The following HEATR1 variants were observed in gnomAD, a reference collection of about 807,000 sequenced individuals.
HEATR1 encodes the protein HEAT repeat-containing protein 1.
Under a neutral mutation model 248.2 loss-of-function variants are expected in HEATR1, and 77 were observed. That is an observed-to-expected ratio of 0.31 (90% CI 0.26 to 0.37). HEATR1 has a LOEUF of 0.37. HEATR1 is among the 10% of genes least tolerant of loss of function. The pLI is 1.00. For synonymous variants in HEATR1, 897 were observed against 923.1 expected, an observed-to-expected ratio of 0.97 and a Z score of 0.51; for missense variants, 2,420 against 2,504.9, an observed-to-expected ratio of 0.97 and a Z score of 0.72.
intron 3 of HEATR1, among the ~76,000 whole-genome samples, chr1:236,600,539 AT>A (rs112529952): frequency 0.025 from 3,461 of 137,078 alleles, 132 homozygotes; most frequent in African/African-American, 0.085. Context: ...CTTTTATTAG[AT>A]TTTTTTTTTT....
chr1:236,586,507 G>T, intron 14 of HEATR1, 55 bp from the exon 15 acceptor site: 4 of 1,220,964 alleles, frequency 3.3e-6, no homozygotes, highest in South Asian at 2.6e-5. Context: ...GCTTCAATTG[G>T]GCAAAAATTC....
chr1:236,577,676 C>T (rs537192287), intron 20 of HEATR1, among the ~76,000 whole-genome samples: 10 of 151,744 alleles, frequency 6.6e-5, no homozygotes, highest in Non-Finnish European at 1.2e-4. Flanking sequence ...TTAGTAGAGA[C>T]GGGGTTTCTT....
chr1:236,579,722 A>C (rs74145932), intron 20 of HEATR1, among the ~76,000 whole-genome samples: 212 of 152,264 alleles, frequency 1.4e-3, no homozygotes, highest in African/African-American at 4.9e-3. Flanking sequence ...TAAGCGAATA[A>C]AAAATTACTT....
Position 236,590,868 on chromosome 1 carries a change from T to C in HEATR1, c.1509A>G (p.Lys503=), listed in dbSNP as rs761054220. 2.0e-6 allele frequency: 3 copies of C among 1,512,740 alleles called. No homozygotes were observed. The highest frequency in any genetic ancestry group is 4.6e-5 in the East Asian group (2 of 43,164). The allele number at this position is 1,512,740 out of a possible 1,614,324, so 93.7% of individuals were successfully genotyped here. A position where few individuals can be genotyped will look rare whatever the true frequency, so the allele number is the denominator to read the frequency against. Reference sequence around the variant, plus strand: ...AAACCTTTGATGTTTTCATGATCTTTTTCAAATGATTCATGGCCAGAATTC... The same window carrying C: ...AAACCTTTGATGTTTTCATGATCTTCTTCAAATGATTCATGGCCAGAATTC... ...PVRILAMNHL[K]KIMKTSKEGV... The change falls in exon 12 of 45, where the codon AAA becomes AAG. Residue 503 remains lysine (K), a synonymous_variant. Transcript: ENST00000366582.
At chr1:236,578,293 C>T (rs1473747754) in intron 20 of HEATR1, among the ~76,000 whole-genome samples, 2 of 152,214 alleles carry the variant, frequency 1.3e-5, no homozygotes, top group African/African-American at 4.8e-5. Context: ...AACCATCTCA[C>T]AGATCTTTGA....
Position 236,599,639 on chromosome 1 carries a change from CAA to C in HEATR1, c.360-17_360-16del. On this transcript the variant is annotated splice_polypyrimidine_tract_variant and intron_variant, in intron 3 of 44. Transcript: ENST00000366582. ...GTATATGGAACCTGGGGAAAAAAAG[CAA>C]ACAGTCCAACTGAACACAAAACTTA... The C allele has an allele frequency of 6.3e-7, 1 of 1,598,108 alleles. No individual in the cohort carries two copies. Among genetic ancestry groups the C allele is most frequent in the Non-Finnish European group, 8.5e-7 (1 of 1,171,728 alleles).
chr1:236,559,085 C>T lies in HEATR1; in HGVS notation c.4821G>A (p.Leu1607=). 6.2e-7 allele frequency: 1 copy of T among 1,612,616 alleles called. No homozygotes were observed. The highest frequency in any genetic ancestry group is 2.2e-5 in the East Asian group (1 of 44,834). Residue 1607 remains leucine (L), a synonymous_variant, in exon 35 of 45, where the codon CTG becomes CTA. Transcript: ENST00000366582. ...TETFIPVIRG[L]VGNPLPSVRR... is the part of the protein sequence containing the mutation. ...GAACAGATGGCAGGGGATTGCCCACCAGCCCTCTGATCACAGGAATGAATG... is the reference window on the plus strand; with the variant it reads ...GAACAGATGGCAGGGGATTGCCCACTAGCCCTCTGATCACAGGAATGAATG...
chr1:236,574,306 A>T lies in HEATR1; in HGVS notation c.3355T>A (p.Ser1119Thr), dbSNP rs750900693. 4 of 1,610,448 alleles carry T rather than the reference A, an allele frequency of 2.5e-6. No individual in the cohort carries two copies. The African/African-American group carries it at 5.4e-5, about 22-fold the overall frequency. ...KITKPFFAAI[S>T]DEKVQQKLLR... is the part of the protein sequence containing the mutation. Reference sequence around the variant, plus strand: ...AGCTTCTGCTGAACTTTTTCATCTGATATGGCTGCAAAAAATGGTTTTGTA... The same window carrying T: ...AGCTTCTGCTGAACTTTTTCATCTGTTATGGCTGCAAAAAATGGTTTTGTA... The change falls in exon 24 of 45, where the codon TCA becomes ACA. Residue 1119 changes from serine (S) to threonine (T), a missense_variant. By Grantham distance (58) the Ser-to-Thr change is moderately conservative. Coordinates refer to ENST00000366582, the MANE Select transcript of HEATR1 (RefSeq NM_018072.6).
At chr1:236,573,001 G>C (rs915960756) in intron 24 of HEATR1, among the ~76,000 whole-genome samples, 173 bp from the exon 25 acceptor site, 5 of 152,108 alleles carry the variant, frequency 3.3e-5, no homozygotes, top group Non-Finnish European at 7.4e-5. Flanking sequence ...CAGACTTCTT[G>C]AAAAACCAGA....
In HEATR1 at chr1:236,549,130, C is replaced by G; in HGVS notation, c.*1772G>C. The G allele has an allele frequency of 2.5e-6, 1 of 396,928 alleles. No homozygotes were observed. Among genetic ancestry groups the G allele is most frequent in the East Asian group, 3.6e-5 (1 of 28,036 alleles). 24.6% of individuals were successfully genotyped at this position (396,928 alleles called of 1,614,324 possible). On this transcript the variant is annotated 3_prime_UTR_variant, in exon 45 of 45. Transcript: ENST00000366582. Reference sequence around the variant, plus strand: ...ACCCACAAAGCAGGCAGAGGTAATGCAGAAATCTGTTTTGTTCCCATGAAA... The same window carrying G: ...ACCCACAAAGCAGGCAGAGGTAATGGAGAAATCTGTTTTGTTCCCATGAAA...
rs1292757786 is a variant in HEATR1 at position 236,558,234 on chromosome 1, T to C, written c.5204+3A>G. ...CTCCTGTTCCAAGTCTCCGGCCGCA[T>C]ACCTGGGAAGCTGGGGGATGGCCAG... On this transcript the variant is annotated splice_donor_region_variant and intron_variant, in intron 36 of 44. Coordinates refer to ENST00000366582, the MANE Select transcript of HEATR1 (RefSeq NM_018072.6). 6.2e-7 allele frequency: 1 copy of C among 1,609,514 alleles called. No individual in the cohort carries two copies. The highest frequency in any genetic ancestry group is 1.7e-5 in the Admixed American group (1 of 59,608).
intron 5 of HEATR1, among the ~76,000 whole-genome samples, chr1:236,597,624 C>T (rs1237460363): frequency 2.0e-5 from 3 of 151,326 alleles, no homozygotes; most frequent in African/African-American, 7.3e-5. Context: ...TGAATAGTCA[C>T]TGTAACTAGA....
Position 236,555,640 on chromosome 1 carries a change from C to A in HEATR1, c.5665G>T (p.Val1889Phe). 1.2e-6 allele frequency: 2 copies of A among 1,614,232 alleles called. No individual in the cohort carries two copies. Among genetic ancestry groups the A allele is most frequent in the African/African-American group, 1.3e-5 (1 of 75,058 alleles). Residue 1889 changes from valine (V) to phenylalanine (F), a missense_variant, in exon 40 of 45, where the codon GTT becomes TTT. Val to Phe is a conservative substitution (Grantham distance 50). Coordinates refer to ENST00000366582, the MANE Select transcript of HEATR1 (RefSeq NM_018072.6). ...ATGATACAATTTTCCGTTTTTCCAA[C>A]TTCCTCCAGATCGTTCTGAAAACAG... ...AQHSENDLEE[V>F]GKTENCIIDC...
At position 236,561,208 on chromosome 1, in the gene HEATR1, AAG is replaced by A; in HGVS notation, c.4646+15_4646+16del. The A allele has an allele frequency of 6.3e-7, 1 of 1,578,640 alleles. No individual in the cohort carries two copies. The highest frequency in any genetic ancestry group is 1.7e-5 in the Admixed American group (1 of 58,618). On this transcript the variant is annotated intron_variant, in intron 33 of 44. Coordinates refer to ENST00000366582, the MANE Select transcript of HEATR1 (RefSeq NM_018072.6). ...GTCATTTCCAAATAAAAAGTAGAAA[AAG>A]AAAAGGAAACATACCTCTCTTCAAG...
At chr1:236,591,286 G>A (rs1422099503) in intron 11 of HEATR1, among the ~76,000 whole-genome samples, 1 of 152,114 alleles carries the variant, frequency 6.6e-6, no homozygotes, top group South Asian at 2.1e-4. Flanking sequence ...GCACCTTCCA[G>A]AAGACAGAAT....
At chr1:236,597,443 G>A (rs1664206960) in intron 5 of HEATR1, among the ~76,000 whole-genome samples, 1 of 151,986 alleles carries the variant, frequency 6.6e-6, no homozygotes, top group African/African-American at 2.4e-5. Context: ...AGTAGAGACG[G>A]TGTTTCACCA....
intron 8 of HEATR1, among the ~76,000 whole-genome samples, chr1:236,594,482 C>G (rs1451448253): frequency 2.6e-5 from 4 of 152,106 alleles, no homozygotes. Flanking sequence ...CAGTACCCAC[C>G]CCCTTACTGA....
intron 29 of HEATR1, among the ~76,000 whole-genome samples, chr1:236,568,112 C>T (rs1282537299): frequency 1.3e-5 from 2 of 152,346 alleles, no homozygotes; most frequent in South Asian, 2.1e-4. Flanking sequence ...TTTTCTCATA[C>T]TATTGGCTCT....
rs984913969 is a variant in HEATR1, at chr1:236,582,778, G to A, written c.2520C>T (p.Ala840=). The change falls in exon 19 of 45, where the codon GCC becomes GCT. Residue 840 remains alanine, a synonymous_variant. Coordinates refer to ENST00000366582, the MANE Select transcript of HEATR1 (RefSeq NM_018072.6). Reference sequence around the variant, plus strand: ...TCAGAACTCTGAAATGAACAGCATCGGCACCATTGAGCATCATCTCAAACA... The same window carrying A: ...TCAGAACTCTGAAATGAACAGCATCAGCACCATTGAGCATCATCTCAAACA... ...IGLFEMMLNG[A]DAVHFRVLMK... is the part of the protein sequence containing the mutation. The A allele has an allele frequency of 5.0e-6, 8 of 1,613,958 alleles. No homozygotes were observed. Among genetic ancestry groups the A allele is most frequent in the Non-Finnish European group, 5.1e-6 (6 of 1,180,002 alleles).
Sources: allele counts gnomAD v4.1 joint callset (sites outside exome capture counted in the v4.1 genomes callset), GRCh38; gene constraint gnomAD v4.1.1; transcripts MANE v1.5; gene names NCBI Gene and HGNC (gene_info 2026-07-23, HGNC 2026-07-21).